The following ARHGAP26 variants were observed in gnomAD, a reference collection of about 807,000 sequenced individuals.
ARHGAP26 encodes the protein Rho GTPase activating protein 26, also known as rho GTPase-activating protein 26.
ARHGAP26 carries 38 observed loss-of-function variants against 104.8 expected under a neutral mutation model. The observed-to-expected ratio is 0.36, with a 90% CI of 0.28 to 0.48. ARHGAP26 has a LOEUF of 0.48. Among genes scored for constraint, ARHGAP26 ranks in the 20% least tolerant of loss-of-function variants. The pLI, the probability that ARHGAP26 is intolerant of heterozygous loss-of-function variation, is 0.99. For synonymous variants in ARHGAP26, 341 were observed against 340.0 expected (o/e 1.00, Z -0.03); for missense variants, 704 against 947.9 (o/e 0.74, Z 3.38).
At chr5:143,093,341 T>C (rs1300149707) in intron 17 of ARHGAP26, among the ~76,000 whole-genome samples, 1 of 152,222 alleles carries the variant, frequency 6.6e-6, no homozygotes, top group Non-Finnish European at 1.5e-5. Flanking sequence ...TGGTTGTCAG[T>C]GGCCTCAGTG....
chr5:142,949,152 A>G (rs1598354551), intron 11 of ARHGAP26, among the ~76,000 whole-genome samples: 1 of 136,672 alleles, frequency 7.3e-6, no homozygotes, highest in South Asian at 2.5e-4. Context: ...CTGAAGTTTT[A>G]TAGTTGAATT....
intron 11 of ARHGAP26, among the ~76,000 whole-genome samples, chr5:142,943,274 C>T (rs563303885): frequency 1.4e-4 from 22 of 152,328 alleles, no homozygotes; most frequent in African/African-American, 5.1e-4. Context: ...TGAAGATTCC[C>T]TGCTGTCTTA....
At chr5:143,135,487 G>A (rs1458577168) in intron 19 of ARHGAP26, among the ~76,000 whole-genome samples, 1 of 152,050 alleles carries the variant, frequency 6.6e-6, no homozygotes, top group Non-Finnish European at 1.5e-5. Flanking sequence ...TATCTGGATT[G>A]GTATCTTTCT....
chr5:142,823,556 T>G (rs1766625298), intron 1 of ARHGAP26, among the ~76,000 whole-genome samples: 1 of 152,184 alleles, frequency 6.6e-6, no homozygotes, highest in African/African-American at 2.4e-5. Context: ...ACTCTGCCGT[T>G]TGCTGGTGTT....
intron 14 of ARHGAP26, among the ~76,000 whole-genome samples, chr5:143,044,054 G>C (rs1036156421): frequency 6.6e-6 from 1 of 152,154 alleles, no homozygotes; most frequent in African/African-American, 2.4e-5. Flanking sequence ...TGAGGAACTT[G>C]AATACTGAGC....
At chr5:143,056,758 G>A (rs1785885301) in intron 16 of ARHGAP26, among the ~76,000 whole-genome samples, 1 of 152,098 alleles carries the variant, frequency 6.6e-6, no homozygotes, top group Non-Finnish European at 1.5e-5. Context: ...GTATTATTAT[G>A]TCGATAACTT....
At chr5:143,194,861 C>T (rs1454831235) in intron 20 of ARHGAP26, among the ~76,000 whole-genome samples, 1 of 151,834 alleles carries the variant, frequency 6.6e-6, no homozygotes, top group African/African-American at 2.4e-5. Flanking sequence ...GATTACATTC[C>T]TCCATGGCAG....
At chr5:143,080,662 T>C (rs1476723503) in intron 17 of ARHGAP26, among the ~76,000 whole-genome samples, 1 of 152,232 alleles carries the variant, frequency 6.6e-6, no homozygotes, top group Non-Finnish European at 1.5e-5. Flanking sequence ...AAGCTGAGTT[T>C]GCAGAGCTAA....
intron 18 of ARHGAP26, among the ~76,000 whole-genome samples, chr5:143,132,946 A>G (rs1280566478): frequency 6.6e-6 from 1 of 151,918 alleles, no homozygotes; most frequent in African/African-American, 2.4e-5. Context: ...GTTCTTCATT[A>G]TAAAATGCTG....
chr5:143,126,744 T>G (rs977104164), intron 18 of ARHGAP26, among the ~76,000 whole-genome samples: 2 of 152,162 alleles, frequency 1.3e-5, no homozygotes, highest in African/African-American at 2.4e-5. Context: ...AAGAGTAGAT[T>G]TGATGGTGTA....
At chr5:143,121,736 C>A (rs1208199298) in intron 18 of ARHGAP26, among the ~76,000 whole-genome samples, 1 of 152,058 alleles carries the variant, frequency 6.6e-6, no homozygotes, top group East Asian at 1.9e-4. Context: ...TTTTCCTCAT[C>A]CCCCAATTTG....
At chr5:142,896,534 T>C (rs909094539) in intron 6 of ARHGAP26, among the ~76,000 whole-genome samples, 2 of 152,210 alleles carry the variant, frequency 1.3e-5, no homozygotes, top group Non-Finnish European at 2.9e-5. Flanking sequence ...CTGGATAGCT[T>C]TGCTGATCTA....
intron 11 of ARHGAP26, among the ~76,000 whole-genome samples, chr5:143,013,680 C>T (rs891209693): frequency 1.3e-5 from 2 of 152,212 alleles, no homozygotes; most frequent in African/African-American, 4.8e-5. Flanking sequence ...ACAGCTCCTG[C>T]CCAACAGAAT....
intron 1 of ARHGAP26, among the ~76,000 whole-genome samples, chr5:142,781,906 G>A (rs1757585068): frequency 1.3e-5 from 2 of 152,086 alleles, no homozygotes; most frequent in Admixed American, 1.3e-4. Flanking sequence ...TAGTAGAGAT[G>A]GGGTTTCACC....
chr5:143,103,343 G>T, intron 17 of ARHGAP26: 1 of 543,176 alleles, frequency 1.8e-6, no homozygotes, highest in South Asian at 8.0e-5. Context: ...TACACTGTTG[G>T]TGGGAGTGTA....
chr5:143,202,792 C>G (rs1807967394), intron 20 of ARHGAP26: 1 of 152,192 alleles, frequency 6.6e-6, no homozygotes, highest in African/African-American at 2.4e-5. Context: ...ACCATCTGAT[C>G]TCTGACAAAC....
chr5:143,105,909 G>A (rs1038485738), intron 17 of ARHGAP26, among the ~76,000 whole-genome samples: 3 of 151,912 alleles, frequency 2.0e-5, no homozygotes, highest in Non-Finnish European at 4.4e-5. Flanking sequence ...ATAGAGAAGA[G>A]ACTTTTTTTG....
intron 1 of ARHGAP26, among the ~76,000 whole-genome samples, chr5:142,845,680 A>G (rs1176405664): frequency 6.6e-6 from 1 of 152,208 alleles, no homozygotes; most frequent in Admixed American, 6.5e-5. Context: ...TACTAAAATC[A>G]GCTAAAGCAG....
chr5:143,024,859 C>T (rs1307508189), intron 12 of ARHGAP26, among the ~76,000 whole-genome samples: 1 of 152,144 alleles, frequency 6.6e-6, no homozygotes, highest in Non-Finnish European at 1.5e-5. Flanking sequence ...AGTGTTAGCT[C>T]TGGAGTATTC....
Sources: gnomAD v4.1 joint callset for allele counts (sites outside exome capture counted in the v4.1 genomes callset) on GRCh38, gnomAD v4.1.1 for gene constraint, MANE v1.5 for transcripts, NCBI Gene and HGNC (gene_info 2026-07-23, HGNC 2026-07-21) for gene names.